Variants in TOP2B observed in about 807,000 individuals in gnomAD.
TOP2B encodes the protein DNA topoisomerase 2-beta.
TOP2B carries 51 observed loss-of-function variants against 193.5 expected under a neutral mutation model. That is an observed-to-expected ratio of 0.26 (90% CI 0.21 to 0.33). The LOEUF is 0.33. Ranked by LOEUF, TOP2B falls within the 10% of genes least tolerant of loss-of-function variation. The pLI is 1.00. For missense variants in TOP2B, 1,378 were observed against 1,909.3 expected, an observed-to-expected ratio of 0.72 and a Z score of 5.19; for synonymous variants, 634 against 635.7, an observed-to-expected ratio of 1.00 and a Z score of 0.04.
chr3:25,614,831 G>C (rs986034434), intron 27 of TOP2B, among the ~76,000 whole-genome samples: 10 of 151,930 alleles, frequency 6.6e-5, no homozygotes, highest in African/African-American at 1.9e-4. Flanking sequence ...TGAAATGTCT[G>C]TTATAAATGT....
chr3:25,613,842 T>C (rs75183719), intron 27 of TOP2B, among the ~76,000 whole-genome samples: 2,410 of 152,272 alleles, frequency 0.016, 31 homozygotes, highest in Middle Eastern at 0.038. Flanking sequence ...TCTGAGAAGA[T>C]GAGTAATTCT....
chr3:25,615,777 G>A (rs1702486998), intron 25 of TOP2B, 191 bp from the exon 26 acceptor site: 4 of 420,154 alleles, frequency 9.5e-6, no homozygotes, highest in Admixed American at 4.2e-5. Context: ...TTCTAAAGAC[G>A]CACAATAAGA....
intron 9 of TOP2B, 51 bp from the exon 10 acceptor site, chr3:25,632,634 T>C (rs184779446): frequency 6.2e-7 from 1 of 1,603,132 alleles, no homozygotes; most frequent in South Asian, 1.1e-5. Flanking sequence ...TATTTAGTAA[T>C]TCAGTATATA....
rs952184931 is a variant in TOP2B at position 25,627,328 on chromosome 3, GAATATC to G, written c.1907-38_1907-33del. ...AATTTTAAAAATAAAAGTGAGTCAT[GAATATC>G]AATGTCTGTTTAAAACCATCAAGTA... On this transcript the variant is annotated intron_variant, in intron 15 of 35. Transcript: ENST00000264331. The G allele has an allele frequency of 2.8e-5, 39 of 1,373,356 alleles. 1 individual carries two copies. Among genetic ancestry groups the G allele is most frequent in the Non-Finnish European group, 3.0e-6 (3 of 994,926 alleles). 85.1% of individuals were successfully genotyped at this position (1,373,356 alleles called of 1,614,324 possible). A position where few individuals can be genotyped will look rare whatever the true frequency, so the allele number is the denominator to read the frequency against.
rs112782891 is a variant in TOP2B, at chr3:25,610,413, T to C, written c.3787-701A>G. Among the ~76,000 whole-genome samples the C allele has an allele frequency of 4.6e-3, 690 of 151,442 alleles. 4 individuals are homozygous for C. The highest frequency in any genetic ancestry group is 0.016 in the African/African-American group (658 of 41,218). The stretch of plus-strand genomic sequence containing the variant: ...GTGAGAAACTCTGCTCAAGGCAGGG[T>C]CAAAAAAGTCTCCATGGAGAAGTAC... On this transcript the variant is annotated intron_variant, in intron 28 of 35. Coordinates refer to ENST00000264331, the MANE Select transcript of TOP2B (RefSeq NM_001330700.2).
intron 13 of TOP2B, 112 bp downstream of exon 13, chr3:25,629,917 T>C: frequency 1.8e-6 from 2 of 1,137,506 alleles, no homozygotes; most frequent in Non-Finnish European, 2.4e-6. Context: ...TTCCTCCTGA[T>C]GTATAATCAC....
At position 25,664,454 on chromosome 3, in the gene TOP2B, T is replaced by C. The variant is rs938520258; in HGVS notation, c.-157A>G. Reference sequence around the variant, plus strand: ...CCATCGCGAAGATCCGGAGCGGACGTCCAGCCGAGCCCGCTGAGGAGGCCG... The same window carrying C: ...CCATCGCGAAGATCCGGAGCGGACGCCCAGCCGAGCCCGCTGAGGAGGCCG... On this transcript the variant is annotated 5_prime_UTR_variant, in exon 1 of 36. Transcript: ENST00000264331. 3.8e-5 allele frequency: 47 copies of C among 1,240,922 alleles called. No homozygotes were observed. In the African/African-American group the frequency reaches 6.8e-4, roughly 18 times the overall value. The allele number at this position is 1,240,922 out of a possible 1,614,324, so 76.9% of individuals were successfully genotyped here. A position where few individuals can be genotyped will look rare whatever the true frequency, so the allele number is the denominator to read the frequency against.
At chr3:25,631,971 C>G (rs927264633) in intron 10 of TOP2B, among the ~76,000 whole-genome samples, 1 of 151,980 alleles carries the variant, frequency 6.6e-6, no homozygotes, top group Non-Finnish European at 1.5e-5. Context: ...TATTTGTGCT[C>G]TCACCTTATT....
intron 1 of TOP2B, among the ~76,000 whole-genome samples, chr3:25,648,466 G>C (rs941403919): frequency 1.5e-4 from 23 of 152,132 alleles, no homozygotes; most frequent in Admixed American, 1.4e-3. Context: ...AAACCAGACC[G>C]CAAAGACCAG....
intron 33 of TOP2B, among the ~76,000 whole-genome samples, chr3:25,603,022 T>C (rs1702147041): frequency 6.6e-6 from 1 of 152,084 alleles, no homozygotes; most frequent in South Asian, 2.1e-4. Context: ...CTATTCAACT[T>C]AGACAAGGCC....
chr3:25,633,628 C>CTA (rs1415886273), intron 8 of TOP2B, among the ~76,000 whole-genome samples: 1 of 152,098 alleles, frequency 6.6e-6, no homozygotes, highest in African/African-American at 2.4e-5. Flanking sequence ...ACTACAAACA[C>CTA]TAGTCATATA....
Position 25,618,848 on chromosome 3 carries a change from A to G in TOP2B, c.3065T>C (p.Val1022Ala). The change falls in exon 24 of 36, where the codon GTA becomes GCA. Residue 1022 changes from valine to alanine, a missense_variant and splice_region_variant. By Grantham distance (64) the Val-to-Ala change is moderately conservative. Coordinates refer to ENST00000264331, the MANE Select transcript of TOP2B (RefSeq NM_001330700.2). ...CAGACATCCCATATGATCAAAAAGTACCTAAGCAAAACACATATACTTTGC... is the reference window on the plus strand; with the variant it reads ...CAGACATCCCATATGATCAAAAAGTGCCTAAGCAAAACACATATACTTTGC... The part of the protein sequence containing the change: ...LQTTLTCNSM[V>A]LFDHMGCLKK... 1.3e-6 allele frequency: 2 copies of G among 1,596,124 alleles called. No homozygotes were observed. Among genetic ancestry groups the G allele is most frequent in the Non-Finnish European group, 1.7e-6 (2 of 1,169,822 alleles).
At chr3:25,615,377 GA>G in intron 26 of TOP2B, 53 bp downstream of exon 26, 1 of 1,536,224 alleles carries the variant, frequency 6.5e-7, no homozygotes, top group Non-Finnish European at 8.7e-7. Context: ...AAAAGAAAAA[GA>G]TACAGATAAC....
In TOP2B at chr3:25,630,792, C is replaced by G; in HGVS notation, c.1405+9G>C. 6.6e-7 allele frequency: 1 copy of G among 1,522,746 alleles called. No individual in the cohort carries two copies. Among genetic ancestry groups the G allele is most frequent in the South Asian group, 1.3e-5 (1 of 75,962 alleles). The allele number at this position is 1,522,746 out of a possible 1,614,324, so 94.3% of individuals were successfully genotyped here. A position where few individuals can be genotyped will look rare whatever the true frequency, so the allele number is the denominator to read the frequency against. Reference sequence around the variant, plus strand: ...AAATCAAAATCTTATTTAAAAATATCAATCTTACCAGCATCATTAGCATCA... The same window carrying G: ...AAATCAAAATCTTATTTAAAAATATGAATCTTACCAGCATCATTAGCATCA... On this transcript the variant is annotated intron_variant, in intron 11 of 35. Coordinates refer to ENST00000264331, the MANE Select transcript of TOP2B (RefSeq NM_001330700.2).
chr3:25,632,408 TTAA>T (rs1448890956), intron 10 of TOP2B, 35 bp downstream of exon 10: 1 of 1,500,820 alleles, frequency 6.7e-7, no homozygotes, highest in East Asian at 2.5e-5. Context: ...TAATCAACTC[TTAA>T]TAACAACAAT....
chr3:25,638,314 T>TA lies in TOP2B; in HGVS notation c.396-5dup, dbSNP rs56986587. The TA allele has an allele frequency of 4.6e-4, 61 of 131,924 alleles. 9 individuals carry two copies. The highest frequency in any genetic ancestry group is 2.3e-3 in the Middle Eastern group (1 of 430). The allele number at this position is 131,924 out of a possible 1,614,324, so 8.2% of individuals were successfully genotyped here. A position where few individuals can be genotyped will look rare whatever the true frequency, so the allele number is the denominator to read the frequency against. On this transcript the variant is annotated splice_region_variant and splice_polypyrimidine_tract_variant and intron_variant, in intron 4 of 35. Transcript: ENST00000264331. ...AATGCTTATAATGTTAGATTCACTG[T>TA]AAAAAAAAAAAAAAAAAAAAAAAAA...
In TOP2B at chr3:25,618,513, T is replaced by C. The variant is rs770262410; in HGVS notation, c.3260-4A>G. Reference sequence around the variant, plus strand: ...AAATCTTTCTTTGACCTATTCTCTATGTGAGGGAAAAATAAAGTTAGGATC... The same window carrying C: ...AAATCTTTCTTTGACCTATTCTCTACGTGAGGGAAAAATAAAGTTAGGATC... On this transcript the variant is annotated splice_polypyrimidine_tract_variant and splice_region_variant and intron_variant, in intron 24 of 35. Coordinates refer to ENST00000264331, the MANE Select transcript of TOP2B (RefSeq NM_001330700.2). 7 of 1,604,870 alleles carry C rather than the reference T, an allele frequency of 4.4e-6. No homozygotes were observed. Among genetic ancestry groups the C allele is most frequent in the Non-Finnish European group, 6.0e-6 (7 of 1,173,680 alleles).
intron 10 of TOP2B, among the ~76,000 whole-genome samples, chr3:25,631,990 G>A (rs1702972107): frequency 6.6e-6 from 1 of 152,014 alleles, no homozygotes; most frequent in African/African-American, 2.4e-5. Context: ...TTTTAGAGAA[G>A]TTAAGGTAGC....
rs769468426 is a variant in TOP2B, at chr3:25,607,253, C to T, written c.4216G>A (p.Gly1406Arg). The change falls in exon 31 of 36, where the codon GGG becomes AGG. Residue 1406 changes from glycine (G) to arginine (R), a missense_variant. Physicochemically the swap from Gly to Arg is moderately radical, Grantham distance 125. Coordinates refer to ENST00000264331, the MANE Select transcript of TOP2B (RefSeq NM_001330700.2). ...KVKASPITNDGEDEFVPSDGL... is the reference protein window; with the variant it reads ...KVKASPITNDREDEFVPSDGL... Reference sequence around the variant, plus strand: ...TCTGAAGGAACAAATTCATCTTCCCCATCATTTGTTATGGGAGATGCTTTA... The same window carrying T: ...TCTGAAGGAACAAATTCATCTTCCCTATCATTTGTTATGGGAGATGCTTTA... The T allele has an allele frequency of 6.3e-7, 1 of 1,599,116 alleles. No individual in the cohort carries two copies. The highest frequency in any genetic ancestry group is 1.7e-5 in the Admixed American group (1 of 57,828).
Sources: allele counts gnomAD v4.1 joint callset (sites outside exome capture counted in the v4.1 genomes callset), GRCh38; gene constraint gnomAD v4.1.1; transcripts MANE v1.5; gene names NCBI Gene and HGNC (gene_info 2026-07-23, HGNC 2026-07-21).